Variants in LARGE1 observed in about 807,000 individuals in gnomAD.
LARGE1 encodes the protein LARGE xylosyl- and glucuronyltransferase 1.
Under a neutral mutation model 87.6 loss-of-function variants are expected in LARGE1, and 43 were observed. The observed-to-expected ratio is 0.49, with a 90% CI of 0.38 to 0.63. The LOEUF is 0.63. Among genes scored for constraint, LARGE1 ranks in the 30% least tolerant of loss-of-function variants. The pLI, the probability that LARGE1 is intolerant of heterozygous loss-of-function variation, is 0.00. For missense variants in LARGE1, 802 were observed against 1,000.2 expected (o/e 0.80, Z 2.67); for synonymous variants, 434 against 394.6 (o/e 1.10, Z -1.18).
intron 1 of LARGE1, among the ~76,000 whole-genome samples, chr22:33,800,985 T>C (rs1178549327): frequency 6.6e-6 from 1 of 152,146 alleles, no homozygotes; most frequent in African/African-American, 2.4e-5. Context: ...AGAATTCCCA[T>C]GTGTTGTGGG....
At chr22:33,130,119 A>C in the LARGE1 span, among the ~76,000 whole-genome samples, 102,401 of 150,872 alleles carry the variant, frequency 0.68, 35,065 homozygotes, top group African/African-American at 0.77. Flanking sequence ...TCGAGACCAT[A>C]CTGGCTAACA....
chr22:33,223,922 T>C (rs878880093), intron 11 of LARGE1, among the ~76,000 whole-genome samples: 2 of 152,142 alleles, frequency 1.3e-5, no homozygotes, highest in African/African-American at 4.8e-5. Flanking sequence ...AGCCCCACCA[T>C]TGGTCGGCAT....
intron 6 of LARGE1, among the ~76,000 whole-genome samples, chr22:33,525,805 T>C (rs2071861396): frequency 6.6e-6 from 1 of 152,236 alleles, no homozygotes; most frequent in Non-Finnish European, 1.5e-5. Flanking sequence ...ATTGGTATTC[T>C]TAGCATATGA....
chr22:33,905,646 C>T (rs761212234), intron 1 of LARGE1, among the ~76,000 whole-genome samples: 2 of 152,214 alleles, frequency 1.3e-5, no homozygotes, highest in Non-Finnish European at 2.9e-5. Context: ...TGCCCTGTTT[C>T]TGGCACCAAG....
intron 6 of LARGE1, among the ~76,000 whole-genome samples, chr22:33,446,086 C>T (rs1182220116): frequency 2.0e-5 from 3 of 152,180 alleles, no homozygotes. Flanking sequence ...TGGCTGGAGA[C>T]TGAATTGATC....
the LARGE1 span, among the ~76,000 whole-genome samples, chr22:33,131,296 T>TTC: frequency 1.4e-3 from 216 of 150,570 alleles, 1 homozygote; most frequent in African/African-American, 4.9e-3. Context: ...CCTGAGTCTG[T>TTC]TCTCTCTCTC....
At chr22:33,882,441 C>A (rs369199582) in intron 1 of LARGE1, among the ~76,000 whole-genome samples, 1 of 152,150 alleles carries the variant, frequency 6.6e-6, no homozygotes. Flanking sequence ...GATGCCCCCC[C>A]ACACCCAGTT....
intron 3 of LARGE1, 104 bp downstream of exon 3, chr22:33,650,263 T>C (rs2080751767): frequency 1.0e-5 from 14 of 1,397,158 alleles, no homozygotes; most frequent in Non-Finnish European, 1.3e-5. Flanking sequence ...GAATCAAGAA[T>C]GCCAGCTCTT....
At chr22:33,653,949 G>A (rs1431152114) in intron 2 of LARGE1, among the ~76,000 whole-genome samples, 1 of 152,082 alleles carries the variant, frequency 6.6e-6, no homozygotes. Flanking sequence ...CACCAAAGAG[G>A]CCGGGTCACA....
chr22:33,815,176 G>A (rs772123675), intron 1 of LARGE1, among the ~76,000 whole-genome samples: 16 of 152,220 alleles, frequency 1.1e-4, no homozygotes, highest in Middle Eastern at 3.4e-3. Flanking sequence ...TTGTTGGGGC[G>A]GCACAGTCTG....
intron 10 of LARGE1, among the ~76,000 whole-genome samples, chr22:33,318,713 A>G (rs2146331970): frequency 6.6e-6 from 1 of 152,238 alleles, no homozygotes; most frequent in Non-Finnish European, 1.5e-5. Flanking sequence ...TAACCGGCAC[A>G]TTGTGCACAT....
At chr22:33,548,002 C>G (rs967631101) in intron 6 of LARGE1, among the ~76,000 whole-genome samples, 2 of 152,030 alleles carry the variant, frequency 1.3e-5, no homozygotes, top group African/African-American at 4.8e-5. Flanking sequence ...TACCCCACCC[C>G]CCAACTCCCA....
chr22:33,748,811 G>C (rs187189937), intron 2 of LARGE1, among the ~76,000 whole-genome samples: 3 of 152,324 alleles, frequency 2.0e-5, no homozygotes, highest in Admixed American at 1.3e-4. Flanking sequence ...GGAAGTGCCA[G>C]TGCATTTATG....
At chr22:33,087,741 C>T in the LARGE1 span, among the ~76,000 whole-genome samples, 1 of 152,060 alleles carries the variant, frequency 6.6e-6, no homozygotes, top group African/African-American at 2.4e-5. Context: ...TTGAGATCAG[C>T]CTGGTCAGCA....
intron 2 of LARGE1, among the ~76,000 whole-genome samples, chr22:33,658,448 A>G (rs1307573629): frequency 1.3e-5 from 2 of 151,760 alleles, no homozygotes; most frequent in African/African-American, 4.8e-5. Flanking sequence ...TCCCCTGCCA[A>G]CTCCCCAACA....
intron 12 of LARGE1, among the ~76,000 whole-genome samples, chr22:33,286,033 A>G (rs1482127594): frequency 6.6e-6 from 1 of 152,214 alleles, no homozygotes; most frequent in Non-Finnish European, 1.5e-5. Context: ...TGTTAACTAT[A>G]TACCAAATAA....
chr22:33,168,563 T>G (rs1922396020), intron 11 of LARGE1, among the ~76,000 whole-genome samples: 1 of 149,412 alleles, frequency 6.7e-6, no homozygotes, highest in Non-Finnish European at 1.5e-5. Context: ...AACGGTCTAA[T>G]AAACATAAAG....
At chr22:33,131,223 C>T in the LARGE1 span, among the ~76,000 whole-genome samples, 4 of 152,014 alleles carry the variant, frequency 2.6e-5, no homozygotes, top group Non-Finnish European at 4.4e-5. Context: ...GCTATTATAG[C>T]CCAAGGTAAG....
chr22:33,546,584 T>A (rs1030055239), intron 6 of LARGE1, among the ~76,000 whole-genome samples: 1 of 152,260 alleles, frequency 6.6e-6, no homozygotes, highest in African/African-American at 2.4e-5. Context: ...ATTCTTTTTT[T>A]AAATTTTTTA....
Sources: allele counts gnomAD v4.1 joint callset (sites outside exome capture counted in the v4.1 genomes callset), GRCh38; gene constraint gnomAD v4.1.1; transcripts MANE v1.5; gene names NCBI Gene and HGNC (gene_info 2026-07-23, HGNC 2026-07-21).